DGKQ: variants seen among roughly 807,000 people sequenced by gnomAD.
The protein encoded by DGKQ is diacylglycerol kinase theta.
Under a neutral mutation model 104.2 loss-of-function variants are expected in DGKQ, and 97 were observed. The ratio of observed to expected loss-of-function variants is 0.93; its 90% CI spans 0.79 to 1.10. The LOEUF (loss-of-function observed/expected upper bound fraction) is 1.10, where lower values mean the gene tolerates loss of function less well. Ranked by LOEUF, DGKQ falls within the 50% of genes least tolerant of loss-of-function variation. The pLI is 0.00. For synonymous variants in DGKQ, 736 were observed against 595.2 expected, an observed-to-expected ratio of 1.24 and a Z score of -3.44; for missense variants, 1,465 against 1,352.1, an observed-to-expected ratio of 1.08 and a Z score of -1.31.
chr4:968,735 C>G, intron 3 of DGKQ, 76 bp downstream of exon 3: 1 of 1,430,792 alleles, frequency 7.0e-7, no homozygotes, highest in Non-Finnish European at 9.6e-7. Flanking sequence ...ACAAGCTGCA[C>G]AGCAGGGGTG....
Position 966,005 on chromosome 4 carries a change from AGGGAGACGTGCG to A in DGKQ, c.1490_1501del (p.Pro497_Ser500del). 6.2e-7 allele frequency: 1 copy of A among 1,606,040 alleles called. No individual in the cohort carries two copies. The highest frequency in any genetic ancestry group is 8.5e-7 in the Non-Finnish European group (1 of 1,177,168). ...GCCGGGAGGCAGGCCGCCAACAAAC[AGGGAGACGTGCG>A]GGGCTACATCCCTGCTCTCTGCCAC... On this transcript the variant is annotated inframe_deletion, in exon 13 of 23. Coordinates refer to ENST00000273814, the MANE Select transcript of DGKQ (RefSeq NM_001347.4).
chr4:967,577 G>T lies in DGKQ; in HGVS notation c.959C>A (p.Ser320Tyr). ...RRSQFRLVTVSRLAGAEEVLE... is the reference protein window; with the variant it reads ...RRSQFRLVTVYRLAGAEEVLE... ...CACCTCCTCGGCACCGGCCAGGCGGGACACCGTGACGAGGCGGAACTGGCT... is the reference window on the plus strand; with the variant it reads ...CACCTCCTCGGCACCGGCCAGGCGGTACACCGTGACGAGGCGGAACTGGCT... Residue 320 changes from serine (S) to tyrosine (Y), a missense_variant, in exon 8 of 23, where the codon TCC (serine) becomes TAC (tyrosine). Ser to Tyr is a moderately radical substitution (Grantham distance 144, BLOSUM62 -2). Coordinates refer to ENST00000273814, the MANE Select transcript of DGKQ (RefSeq NM_001347.4). 7.4e-6 allele frequency: 12 copies of T among 1,612,624 alleles called. No individual in the cohort carries two copies. Among genetic ancestry groups the T allele is most frequent in the Non-Finnish European group, 1.0e-5 (12 of 1,179,848 alleles).
chr4:968,719 C>A (rs758548114), intron 3 of DGKQ, 92 bp downstream of exon 3: 75 of 1,384,412 alleles, frequency 5.4e-5, no homozygotes, highest in Non-Finnish European at 7.1e-5. Context: ...TCCCCCATCA[C>A]CCCTGACAAG....
chr4:967,316 G>A lies in DGKQ; in HGVS notation c.1033C>T (p.Leu345=). ...AHHIPEDPGH[L]ELCRLPPSSQ... ...GAAGGGGGCAGCCGGCACAGCTCCA[G>A]GTGGCCAGGGTCCTCGGGGATGTGG... The change falls in exon 9 of 23, where the codon CTG becomes TTG. Residue 345 remains leucine (L), a synonymous_variant. Transcript: ENST00000273814. The A allele has an allele frequency of 6.5e-7, 1 of 1,539,578 alleles. No homozygotes were observed. Among genetic ancestry groups the A allele is most frequent in the Admixed American group, 1.9e-5 (1 of 51,374 alleles).
chr4:962,141 C>A, intron 18 of DGKQ, 59 bp from the exon 19 acceptor site: 3 of 1,434,482 alleles, frequency 2.1e-6, no homozygotes, highest in Non-Finnish European at 2.9e-6. Context: ...CCCCTGAGCT[C>A]CCCAACAGCT....
At chr4:961,270 C>T (rs1045612651) in intron 21 of DGKQ, 69 bp from the exon 22 acceptor site, 28 of 1,337,366 alleles carry the variant, frequency 2.1e-5, no homozygotes, top group African/African-American at 6.2e-5. Context: ...GGCCCTGGGG[C>T]GGGAGAGGCC....
At chr4:973,081 A>C in intron 1 of DGKQ, 131 bp downstream of exon 1, 1 of 1,273,978 alleles carries the variant, frequency 7.8e-7, no homozygotes, top group Non-Finnish European at 9.9e-7. Context: ...CCACGAAGGC[A>C]CGTCCCGCGA....
chr4:968,164 C>T, intron 5 of DGKQ, 118 bp downstream of exon 5: 2 of 751,772 alleles, frequency 2.7e-6, no homozygotes, highest in Non-Finnish European at 3.9e-6. Flanking sequence ...CCCCCGAGCA[C>T]CCACCTGGAA....
At chr4:968,221 A>AC in intron 5 of DGKQ, 61 bp downstream of exon 5, 2 of 371,706 alleles carry the variant, frequency 5.4e-6, no homozygotes, top group Non-Finnish European at 8.3e-6. Context: ...ACCTCCCAGC[A>AC]CCCACCCAAC....
intron 22 of DGKQ, 76 bp from the exon 23 acceptor site, chr4:960,797 TG>T: frequency 6.4e-7 from 1 of 1,563,212 alleles, no homozygotes; most frequent in Non-Finnish European, 8.7e-7. Context: ...CCCCCGGTCC[TG>T]GGGCCCCGGG....
chr4:968,395 G>C lies in DGKQ; in HGVS notation c.550C>G (p.His184Asp), dbSNP rs1712636869. The change falls in exon 5 of 23, where the codon CAC (histidine) becomes GAC (aspartate). Residue 184 changes from histidine to aspartate, a missense_variant. Coordinates refer to ENST00000273814, the MANE Select transcript of DGKQ (RefSeq NM_001347.4). ...DGHQDHDTHH[H>D]HWREGNLPSG... is the part of the protein sequence containing the mutation. Reference sequence around the variant, plus strand: ...GGCAGGTTCCCCTCCCGCCAGTGGTGGTGATGGGTGTCCTGCAGAGCGGGG... The same window carrying C: ...GGCAGGTTCCCCTCCCGCCAGTGGTCGTGATGGGTGTCCTGCAGAGCGGGG... The C allele has an allele frequency of 6.3e-7, 1 of 1,576,178 alleles. No individual in the cohort carries two copies. The highest frequency in any genetic ancestry group is 8.6e-7 in the Non-Finnish European group (1 of 1,162,600).
intron 5 of DGKQ, 104 bp downstream of exon 5, chr4:968,178 G>T: frequency 1.6e-6 from 1 of 629,024 alleles, no homozygotes; most frequent in Non-Finnish European, 2.4e-6. Context: ...CCTGGAACCC[G>T]CGCCTCTCCT....
intron 12 of DGKQ, 61 bp downstream of exon 12, chr4:966,405 G>A (rs1712341081): frequency 6.4e-7 from 1 of 1,568,086 alleles, no homozygotes; most frequent in African/African-American, 1.3e-5. Flanking sequence ...CCACCCTGTG[G>A]GGCAGAGGCT....
chr4:967,795 C>T lies in DGKQ; in HGVS notation c.819G>A (p.Gly273=). ...CAGCGCTCCCGTCGGCGCCGTCGCC[C>T]CCCTCGCCTGCGGGTCGGGCACACG... ...RIVEAAEPGE[G]GDGADGSAAV... is the part of the protein sequence containing the mutation. Residue 273 remains glycine (G), a synonymous_variant, in exon 7 of 23, where the codon GGG becomes GGA. Coordinates refer to ENST00000273814, the MANE Select transcript of DGKQ (RefSeq NM_001347.4). 1 of 1,601,434 alleles carries T rather than the reference C, an allele frequency of 6.2e-7. No individual in the cohort carries two copies. The highest frequency in any genetic ancestry group is 1.7e-5 in the Admixed American group (1 of 58,340).
At position 971,588 on chromosome 4, in the gene DGKQ, G is replaced by C. The variant is rs368559270; in HGVS notation, c.272-516C>G. 6.6e-6 allele frequency among the ~76,000 whole-genome samples: 1 copy of C among 152,206 alleles called. No individual in the cohort carries two copies. Among genetic ancestry groups the C allele is most frequent in the Admixed American group, 6.5e-5 (1 of 15,282 alleles). On this transcript the variant is annotated intron_variant, in intron 1 of 22. Coordinates refer to ENST00000273814, the MANE Select transcript of DGKQ (RefSeq NM_001347.4). The surrounding 1 kb of genome is among the most constrained non-coding windows in gnomAD (Gnocchi z 4.0). Reference sequence around the variant, plus strand: ...TCTGGGAGGCAGGAGCCGCTGGGGAGTGGACAGCCCCAAGCCTCCCAAGGA... The same window carrying C: ...TCTGGGAGGCAGGAGCCGCTGGGGACTGGACAGCCCCAAGCCTCCCAAGGA...
chr4:966,387 G>A, intron 12 of DGKQ, 79 bp downstream of exon 12: 1 of 1,497,618 alleles, frequency 6.7e-7, no homozygotes, highest in Non-Finnish European at 9.2e-7. Flanking sequence ...TCGGCGTCTG[G>A]GGCACACCCA....
chr4:964,279 G>C (rs1391349133), intron 15 of DGKQ, among the ~76,000 whole-genome samples: 4 of 152,304 alleles, frequency 2.6e-5, no homozygotes, highest in Admixed American at 6.5e-5. Context: ...TCCCGTCCCA[G>C]CCACAGACAA....
Position 961,087 on chromosome 4 carries a change from C to T in DGKQ, c.2689G>A (p.Ala897Thr). The part of the protein sequence containing the change: ...VQVDGEPWVQ[A>T]PGHMIISAAG... ...GCTGAGATGATCATGTGCCCCGGGG[C>T]CTGGACCCAGGGCTCCCCGTCCACC... is the stretch of plus-strand genomic sequence containing the variant. Residue 897 changes from alanine to threonine, a missense_variant, in exon 22 of 23, where the codon GCC (alanine) becomes ACC (threonine). Transcript: ENST00000273814. 1 of 1,612,262 alleles carries T rather than the reference C, an allele frequency of 6.2e-7. No individual in the cohort carries two copies. The highest frequency in any genetic ancestry group is 1.1e-5 in the South Asian group (1 of 91,080).
intron 21 of DGKQ, 24 bp downstream of exon 21, chr4:961,443 C>T (rs1711877348): frequency 1.9e-6 from 3 of 1,568,072 alleles, no homozygotes; most frequent in Non-Finnish European, 2.6e-6. Flanking sequence ...CTGGGCTCGC[C>T]CGCCCACTCG....
Sources: gnomAD v4.1 joint callset for allele counts (sites outside exome capture counted in the v4.1 genomes callset) on GRCh38, gnomAD v4.1.1 for gene constraint, Gnocchi (gnomAD v3.1) non-coding constraint, MANE v1.5 for transcripts, NCBI Gene and HGNC (gene_info 2026-07-23, HGNC 2026-07-21) for gene names.